Variants in CLSTN2 observed in about 807,000 individuals in gnomAD.
CLSTN2 encodes the protein calsyntenin 2, also known as calsyntenin-2.
A neutral mutation model predicts 101.2 loss-of-function variants in CLSTN2; 48 were observed. That is an observed-to-expected ratio of 0.47 (90% CI 0.38 to 0.60). The LOEUF (loss-of-function observed/expected upper bound fraction) is 0.60, where lower values mean the gene tolerates loss of function less well. CLSTN2 is among the 20% of genes least tolerant of loss of function. The pLI is 0.00. For synonymous variants in CLSTN2, 481 were observed against 463.6 expected (o/e 1.04, Z -0.48); for missense variants, 1,160 against 1,238.2 (o/e 0.94, Z 0.95).
intron 1 of CLSTN2, among the ~76,000 whole-genome samples, chr3:140,122,251 A>G (rs1357271110): frequency 6.6e-6 from 1 of 152,198 alleles, no homozygotes; most frequent in Non-Finnish European, 1.5e-5. Flanking sequence ...CACTACAGGA[A>G]CTTGTCAATG....
intron 1 of CLSTN2, among the ~76,000 whole-genome samples, chr3:140,152,555 C>T (rs1349072492): frequency 1.3e-5 from 2 of 152,162 alleles, no homozygotes; most frequent in East Asian, 3.8e-4. Context: ...CATAGTCCCA[C>T]CAAACCCAAT....
chr3:140,275,918 G>T (rs1318865206), intron 2 of CLSTN2, among the ~76,000 whole-genome samples: 1 of 152,182 alleles, frequency 6.6e-6, no homozygotes, highest in African/African-American at 2.4e-5. Context: ...TGAAGGGTAG[G>T]AGTTAGACCA....
At chr3:140,366,197 C>T (rs890934179) in intron 2 of CLSTN2, among the ~76,000 whole-genome samples, 3 of 152,228 alleles carry the variant, frequency 2.0e-5, no homozygotes, top group Admixed American at 2.0e-4. Flanking sequence ...TATCACCCCT[C>T]ACCTCCCCTC....
At chr3:140,080,728 A>C (rs1220687224) in intron 1 of CLSTN2, among the ~76,000 whole-genome samples, 3 of 152,164 alleles carry the variant, frequency 2.0e-5, no homozygotes, top group Non-Finnish European at 4.4e-5. Context: ...TGAGGACTCC[A>C]GGAAACCACC....
At chr3:139,977,394 C>T (rs1273389437) in intron 1 of CLSTN2, among the ~76,000 whole-genome samples, 2 of 152,180 alleles carry the variant, frequency 1.3e-5, no homozygotes, top group African/African-American at 4.8e-5. Context: ...TCCCTGGGCT[C>T]AGGCCTCCAT....
At chr3:140,255,818 G>A (rs1359405970) in intron 2 of CLSTN2, among the ~76,000 whole-genome samples, 1 of 152,142 alleles carries the variant, frequency 6.6e-6, no homozygotes, top group Non-Finnish European at 1.5e-5. Context: ...TTTAGGCATA[G>A]AAATGTCTAG....
chr3:140,150,544 T>C (rs2107813772), intron 1 of CLSTN2, among the ~76,000 whole-genome samples: 1 of 152,290 alleles, frequency 6.6e-6, no homozygotes, highest in Middle Eastern at 3.4e-3. Flanking sequence ...CTCAGAGAAG[T>C]ACTTTACCCA....
chr3:140,325,216 G>A (rs747920484), intron 2 of CLSTN2, among the ~76,000 whole-genome samples: 46 of 152,148 alleles, frequency 3.0e-4, no homozygotes, highest in Non-Finnish European at 5.6e-4. Context: ...AAGTTCTAAG[G>A]ATGCCTCCAA....
Position 140,566,599 on chromosome 3 carries a change from A to T in CLSTN2, c.*346A>T, listed in dbSNP as rs1936032473. The T allele has an allele frequency of 3.2e-6, 1 of 316,344 alleles. No individual in the cohort carries two copies. The highest frequency in any genetic ancestry group is 2.1e-5 in the African/African-American group (1 of 47,432). 19.6% of individuals were successfully genotyped at this position (316,344 alleles called of 1,614,324 possible). A position where few individuals can be genotyped will look rare whatever the true frequency, so the allele number is the denominator to read the frequency against. Reference sequence around the variant, plus strand: ...CCACCTTTGTGTCACTCACCTCCCCAGGCTCAGAGTCCCCAAGGCCCTGGG... The same window carrying T: ...CCACCTTTGTGTCACTCACCTCCCCTGGCTCAGAGTCCCCAAGGCCCTGGG... On this transcript the variant is annotated 3_prime_UTR_variant, in exon 17 of 17. Transcript: ENST00000458420.
chr3:140,409,864 C>A (rs1412777118), intron 4 of CLSTN2, among the ~76,000 whole-genome samples: 1 of 151,524 alleles, frequency 6.6e-6, no homozygotes, highest in Non-Finnish European at 1.5e-5. Context: ...TAAAAAGAAC[C>A]AAACAAATTT....
chr3:140,547,084 T>C (rs946047441), intron 10 of CLSTN2, among the ~76,000 whole-genome samples: 1 of 152,158 alleles, frequency 6.6e-6, no homozygotes. Context: ...CCTTGTGAAA[T>C]ACAAATTAAA....
intron 1 of CLSTN2, among the ~76,000 whole-genome samples, chr3:140,061,885 C>T (rs2008212692): frequency 6.6e-6 from 1 of 152,206 alleles, no homozygotes; most frequent in Non-Finnish European, 1.5e-5. Flanking sequence ...CTAGGTGCTA[C>T]AGAAGCCTGT....
chr3:140,478,734 A>G (rs1159876724), intron 8 of CLSTN2, among the ~76,000 whole-genome samples: 1 of 151,248 alleles, frequency 6.6e-6, no homozygotes, highest in African/African-American at 2.4e-5. Flanking sequence ...TGATGCATAC[A>G]TCATACTTCA....
At chr3:140,201,451 A>G (rs2010716638) in intron 2 of CLSTN2, among the ~76,000 whole-genome samples, 1 of 152,096 alleles carries the variant, frequency 6.6e-6, no homozygotes. Flanking sequence ...AAAAATGCAG[A>G]GGATGTTCAC....
intron 2 of CLSTN2, among the ~76,000 whole-genome samples, chr3:140,376,911 A>T (rs1294522329): frequency 6.6e-6 from 1 of 152,202 alleles, no homozygotes. Flanking sequence ...AAGGAAAGGA[A>T]CATACTTTTG....
Position 140,576,740 on chromosome 3 carries a change from A to T in CLSTN2, c.*10487A>T, listed in dbSNP as rs1234669357. ...GTCTGGCCGGTGTCTCCCACAGTGG[A>T]TGGCTTTGCCTCCAGCGGTGGACCA... is the stretch of plus-strand genomic sequence containing the variant. On this transcript the variant is annotated 3_prime_UTR_variant, in exon 17 of 17. Coordinates refer to ENST00000458420, the MANE Select transcript of CLSTN2 (RefSeq NM_022131.3). 6.6e-6 allele frequency: 1 copy of T among 152,210 alleles called. No individual in the cohort carries two copies. Among genetic ancestry groups the T allele is most frequent in the Non-Finnish European group, 1.5e-5 (1 of 68,058 alleles). 9.4% of individuals were successfully genotyped at this position (152,210 alleles called of 1,614,324 possible).
chr3:140,546,201 A>G (rs1935580768), intron 9 of CLSTN2, among the ~76,000 whole-genome samples: 1 of 152,216 alleles, frequency 6.6e-6, no homozygotes, highest in Non-Finnish European at 1.5e-5. Flanking sequence ...CTGAAGTTTA[A>G]TCAGTGACAC....
chr3:140,265,278 G>A (rs2086685574), intron 2 of CLSTN2, among the ~76,000 whole-genome samples: 2 of 152,178 alleles, frequency 1.3e-5, no homozygotes, highest in South Asian at 4.1e-4. Context: ...ATTCCAAGTT[G>A]CAGGTGTTCT....
intron 1 of CLSTN2, among the ~76,000 whole-genome samples, chr3:140,032,960 T>A (rs2007586068): frequency 6.6e-6 from 1 of 152,214 alleles, no homozygotes; most frequent in South Asian, 2.1e-4. Context: ...GCAAGGACAT[T>A]AAAGTGAGAC....
Sources: allele counts gnomAD v4.1 joint callset (sites outside exome capture counted in the v4.1 genomes callset), GRCh38; gene constraint gnomAD v4.1.1; transcripts MANE v1.5; gene names NCBI Gene and HGNC (gene_info 2026-07-23, HGNC 2026-07-21).